The following THRB variants were observed in gnomAD, a reference collection of about 807,000 sequenced individuals.
THRB encodes the protein thyroid hormone receptor beta, also known as nuclear receptor subfamily 1 group A member 2.
THRB carries 12 observed loss-of-function variants against 47.8 expected under a neutral mutation model. The observed-to-expected ratio is 0.25, with a 90% confidence interval of 0.16 to 0.41. The LOEUF (loss-of-function observed/expected upper bound fraction) is 0.41. Among genes scored for constraint, THRB ranks in the 10% least tolerant of loss-of-function variants. The pLI, the probability that THRB is intolerant of heterozygous loss-of-function variation, is 1.00. For synonymous variants in THRB, 218 were observed against 212.2 expected (o/e 1.03, Z -0.24); for missense variants, 348 against 589.2 (o/e 0.59, Z 4.24).
rs62255859 is a variant in THRB, at chr3:24,181,029, G to A, written c.283+9045C>T. Among the ~76,000 whole-genome samples, 618 of 152,260 alleles carry A rather than the reference G, an allele frequency of 4.1e-3. 2 individuals are homozygous for A. The highest frequency in any genetic ancestry group is 7.3e-3 in the Non-Finnish European group (496 of 68,010). ...TGAAGAGGGAAGAAGCCTAGACTTC[G>A]TAGAGACTGAAAATGGGTTTGGATA... On this transcript the variant is annotated intron_variant, in intron 5 of 10. Transcript: ENST00000646209.
chr3:24,266,677 G>C (rs895037714), intron 3 of THRB, among the ~76,000 whole-genome samples: 2 of 152,082 alleles, frequency 1.3e-5, no homozygotes, highest in African/African-American at 4.8e-5. Context: ...CCCCAGCAAA[G>C]GCAACACACT....
chr3:24,321,506 A>G (rs1190193381), intron 2 of THRB, among the ~76,000 whole-genome samples: 1 of 152,222 alleles, frequency 6.6e-6, no homozygotes, highest in Non-Finnish European at 1.5e-5. Context: ...TCAACTATAA[A>G]AAAATGTGAG....
intron 1 of THRB, among the ~76,000 whole-genome samples, chr3:24,410,969 C>G (rs1327880662): frequency 1.3e-5 from 2 of 151,838 alleles, no homozygotes; most frequent in East Asian, 3.9e-4. Flanking sequence ...GAGATATGAC[C>G]TTTACTTGTC....
At chr3:24,218,232 C>T (rs766885697) in intron 4 of THRB, among the ~76,000 whole-genome samples, 1 of 151,262 alleles carries the variant, frequency 6.6e-6, no homozygotes, top group Non-Finnish European at 1.5e-5. Flanking sequence ...TGCGCCACTG[C>T]ACTCCAGCCT....
At chr3:24,168,002 C>G (rs1020627086) in intron 5 of THRB, among the ~76,000 whole-genome samples, 6 of 151,952 alleles carry the variant, frequency 3.9e-5, no homozygotes, top group Non-Finnish European at 8.8e-5. Context: ...TTTAAAAAAT[C>G]CTGAATTCCC....
intron 5 of THRB, among the ~76,000 whole-genome samples, chr3:24,170,344 C>G (rs192415752): frequency 6.6e-6 from 1 of 152,318 alleles, no homozygotes; most frequent in East Asian, 1.9e-4. Flanking sequence ...CCATCATCAT[C>G]TCCTAACTGG....
chr3:24,495,694 C>G (rs574588595), upstream of THRB: 9 of 152,428 alleles, frequency 5.9e-5, no homozygotes, highest in Non-Finnish European at 7.3e-5. Context: ...CACGTCTCGG[C>G]CTTCTTTGCC....
intron 5 of THRB, among the ~76,000 whole-genome samples, chr3:24,157,744 C>T (rs1017319743): frequency 5.3e-5 from 8 of 152,160 alleles, no homozygotes; most frequent in African/African-American, 1.9e-4. Flanking sequence ...GTTTCCCAGG[C>T]TGGTCTTGAG....
At chr3:24,479,027 G>A (rs942436567) in intron 1 of THRB, among the ~76,000 whole-genome samples, 1 of 152,150 alleles carries the variant, frequency 6.6e-6, no homozygotes, top group South Asian at 2.1e-4. Flanking sequence ...GGCCGGGCGC[G>A]GGGGTTAACG....
intron 3 of THRB, among the ~76,000 whole-genome samples, chr3:24,247,129 T>C (rs1467081141): frequency 2.6e-5 from 4 of 152,196 alleles, no homozygotes; most frequent in African/African-American, 9.6e-5. Context: ...ACAACAAATG[T>C]AAAGAGTTTC....
intron 2 of THRB, among the ~76,000 whole-genome samples, chr3:24,335,392 C>T (rs1454437540): frequency 1.3e-5 from 2 of 152,150 alleles, no homozygotes; most frequent in Non-Finnish European, 2.9e-5. Context: ...AGAAACTCTG[C>T]GTAATGACTT....
chr3:24,416,353 C>T (rs151309215), intron 1 of THRB, among the ~76,000 whole-genome samples: 2 of 151,656 alleles, frequency 1.3e-5, no homozygotes, highest in Non-Finnish European at 2.9e-5. Context: ...GTAAATGGCT[C>T]GCTGATGGGA....
intron 1 of THRB, among the ~76,000 whole-genome samples, chr3:24,464,543 T>C (rs1011689458): frequency 1.3e-5 from 2 of 152,210 alleles, no homozygotes; most frequent in African/African-American, 4.8e-5. Flanking sequence ...AGACAGCATA[T>C]ACCTGGATTA....
At chr3:24,189,947 G>C (rs1449957529) in intron 5 of THRB, 127 bp downstream of exon 5, 2 of 903,164 alleles carry the variant, frequency 2.2e-6, no homozygotes, top group Non-Finnish European at 3.5e-6. Flanking sequence ...CCTAGTAAAA[G>C]AACAGTTGGA....
Position 24,119,730 on chromosome 3 carries a change from G to T in THRB, c.*3154C>A, listed in dbSNP as rs1289570040. ...CAGGTCAAGCGCGTCATTGAGGACC[G>T]AGGCTCTAGAAAAAGCTCTGAGGCG... On this transcript the variant is annotated 3_prime_UTR_variant, in exon 11 of 11. Coordinates refer to ENST00000646209, the MANE Select transcript of THRB (RefSeq NM_001354712.2). 1 of 152,230 alleles carries T rather than the reference G, an allele frequency of 6.6e-6. No homozygotes were observed. Among genetic ancestry groups the T allele is most frequent in the South Asian group, 2.1e-4 (1 of 4,830 alleles). 9.4% of individuals were successfully genotyped at this position (152,230 alleles called of 1,614,324 possible).
At chr3:24,265,629 T>TA (rs796374594) in intron 3 of THRB, among the ~76,000 whole-genome samples, 5 of 152,324 alleles carry the variant, frequency 3.3e-5, no homozygotes, top group East Asian at 1.9e-4. Context: ...ATGTCTTCAT[T>TA]AAAAAGTATT....
At chr3:24,461,047 T>G (rs2073651388) in intron 1 of THRB, among the ~76,000 whole-genome samples, 2 of 152,230 alleles carry the variant, frequency 1.3e-5, no homozygotes, top group Admixed American at 6.5e-5. Context: ...ACATGTTTTA[T>G]GCACACCATT....
chr3:24,324,782 G>A (rs1451183773), intron 2 of THRB, among the ~76,000 whole-genome samples: 1 of 152,172 alleles, frequency 6.6e-6, no homozygotes, highest in African/African-American at 2.4e-5. Context: ...TAATCTGTTG[G>A]TTGCTAAATG....
intron 4 of THRB, among the ~76,000 whole-genome samples, chr3:24,194,142 G>A (rs1276061629): frequency 2.6e-5 from 4 of 152,080 alleles, no homozygotes; most frequent in Non-Finnish European, 4.4e-5. Context: ...GGGTGATGAG[G>A]GATAAAAGAC....
Sources: allele counts gnomAD v4.1 joint callset (sites outside exome capture counted in the v4.1 genomes callset), GRCh38; gene constraint gnomAD v4.1.1; transcripts MANE v1.5; gene names NCBI Gene and HGNC (gene_info 2026-07-23, HGNC 2026-07-21).